MEGF11: variants seen among roughly 807,000 people sequenced by gnomAD.
The protein encoded by MEGF11 is multiple EGF like domains 11.
MEGF11 carries 126 observed loss-of-function variants against 146.6 expected under a neutral mutation model. The observed-to-expected ratio is 0.86, with a 90% CI of 0.74 to 1.00. The LOEUF (loss-of-function observed/expected upper bound fraction) is 1.00, where lower values mean the gene tolerates loss of function less well. Among genes scored for constraint, MEGF11 ranks in the 50% least tolerant of loss-of-function variants. MEGF11 has a pLI of 0.00. For synonymous variants in MEGF11, 532 were observed against 583.4 expected, an observed-to-expected ratio of 0.91 and a Z score of 1.27; for missense variants, 1,509 against 1,521.2, an observed-to-expected ratio of 0.99 and a Z score of 0.13.
intron 1 of MEGF11, among the ~76,000 whole-genome samples, chr15:66,241,626 C>A (rs1031793187): frequency 6.6e-6 from 1 of 152,086 alleles, no homozygotes; most frequent in Non-Finnish European, 1.5e-5. Context: ...GAGGAGGACA[C>A]CATAGGGACC....
At chr15:65,981,715 G>T (rs954207925) in intron 6 of MEGF11, among the ~76,000 whole-genome samples, 1 of 152,180 alleles carries the variant, frequency 6.6e-6, no homozygotes, top group Non-Finnish European at 1.5e-5. Flanking sequence ...TGGAATGAGG[G>T]GCTGTTTGGT....
chr15:66,041,767 C>T (rs186957680), intron 5 of MEGF11, among the ~76,000 whole-genome samples: 77 of 152,268 alleles, frequency 5.1e-4, no homozygotes, highest in Non-Finnish European at 1.8e-4. Flanking sequence ...CTCATTTAAG[C>T]CTTCTAACTA....
chr15:66,242,673 A>C (rs1166420601), intron 1 of MEGF11, among the ~76,000 whole-genome samples: 1 of 152,166 alleles, frequency 6.6e-6, no homozygotes, highest in Non-Finnish European at 1.5e-5. Context: ...ACAATGCTGC[A>C]CCATTCCCCT....
chr15:66,005,491 G>A (rs982584377), intron 5 of MEGF11, among the ~76,000 whole-genome samples: 1 of 152,248 alleles, frequency 6.6e-6, no homozygotes, highest in African/African-American at 2.4e-5. Context: ...CAGTAAGTAT[G>A]CAGTGGAACG....
intron 7 of MEGF11, among the ~76,000 whole-genome samples, chr15:65,975,577 G>T (rs1000221111): frequency 2.6e-5 from 4 of 152,132 alleles, no homozygotes; most frequent in African/African-American, 4.8e-5. Flanking sequence ...CTGGTCTGGT[G>T]GGAAGAGCAC....
chr15:66,169,194 T>G (rs977923935), intron 1 of MEGF11, among the ~76,000 whole-genome samples: 1 of 152,222 alleles, frequency 6.6e-6, no homozygotes, highest in East Asian at 1.9e-4. Flanking sequence ...GACCGCAGCG[T>G]CCTGCCTGAC....
intron 19 of MEGF11, among the ~76,000 whole-genome samples, chr15:65,914,344 A>G (rs1259451015): frequency 5.9e-5 from 9 of 152,218 alleles, no homozygotes; most frequent in Non-Finnish European, 1.2e-4. Flanking sequence ...AATGTGCCCA[A>G]GATTACATAA....
intron 4 of MEGF11, among the ~76,000 whole-genome samples, chr15:66,110,456 C>G (rs1222530336): frequency 6.6e-6 from 1 of 152,194 alleles, no homozygotes; most frequent in Non-Finnish European, 1.5e-5. Context: ...CAGTGGGGCT[C>G]TGTCGGGGGT....
In MEGF11 at chr15:65,897,829, A is replaced by G. The variant is rs575184020; in HGVS notation, c.*105T>C. 4.8e-6 allele frequency: 5 copies of G among 1,044,302 alleles called. No homozygotes were observed. The highest frequency in any genetic ancestry group is 1.6e-5 in the African/African-American group (1 of 61,766). The allele number at this position is 1,044,302 out of a possible 1,614,324, so 64.7% of individuals were successfully genotyped here. The stretch of plus-strand genomic sequence containing the variant: ...GTTCCAGGTGAACGTAATAACTAAC[A>G]TGCAGCTGGAGCCAGTCTGTACCAT... On this transcript the variant is annotated 3_prime_UTR_variant, in exon 26 of 26. Transcript: ENST00000395614.
At chr15:66,231,359 G>A (rs1462855624) in intron 1 of MEGF11, among the ~76,000 whole-genome samples, 1 of 151,842 alleles carries the variant, frequency 6.6e-6, no homozygotes, top group African/African-American at 2.4e-5. Flanking sequence ...TGCCCAGGGA[G>A]AGGGGACGGT....
intron 1 of MEGF11, among the ~76,000 whole-genome samples, chr15:66,155,537 A>G (rs1176158957): frequency 6.6e-6 from 1 of 152,112 alleles, no homozygotes. Context: ...TCCCAAACTT[A>G]TCATTCAGGT....
chr15:65,945,420 G>A (rs1428927168), intron 10 of MEGF11, among the ~76,000 whole-genome samples: 1 of 152,096 alleles, frequency 6.6e-6, no homozygotes, highest in Non-Finnish European at 1.5e-5. Flanking sequence ...GAGGGGAGCA[G>A]AGCTACTGAG....
At chr15:66,221,540 C>T (rs963420110) in intron 1 of MEGF11, among the ~76,000 whole-genome samples, 4 of 150,404 alleles carry the variant, frequency 2.7e-5, no homozygotes, top group African/African-American at 9.8e-5. Flanking sequence ...GACCATACCA[C>T]CCTCCCCACA....
At chr15:66,129,466 T>G (rs1244941352) in intron 1 of MEGF11, among the ~76,000 whole-genome samples, 1 of 152,228 alleles carries the variant, frequency 6.6e-6, no homozygotes, top group Non-Finnish European at 1.5e-5. Flanking sequence ...ATTTAAAAGC[T>G]TTACTGAATT....
At chr15:66,077,827 C>T (rs947125136) in intron 5 of MEGF11, among the ~76,000 whole-genome samples, 1 of 148,772 alleles carries the variant, frequency 6.7e-6, no homozygotes, top group African/African-American at 2.5e-5. Context: ...TGGGCTTTGA[C>T]AGCAAAAGAG....
In MEGF11 at chr15:66,099,208, T is replaced by TTC. The variant is rs1256578554; in HGVS notation, c.302-4715_302-4714insGA. On this transcript the variant is annotated intron_variant, in intron 4 of 25. Transcript: ENST00000395614. Reference sequence around the variant, plus strand: ...TCCCTCCCACCCCTCCTTTTTCTTTTTTTTTTTTTTTTTTGATATGGAGTC... The same window carrying TTC: ...TCCCTCCCACCCCTCCTTTTTCTTTTTCTTTTTTTTTTTTTTGATATGGAGTC... Among the ~76,000 whole-genome samples the TTC allele has an allele frequency of 4.6e-3, 668 of 144,538 alleles. 8 individuals are homozygous for TTC. The highest frequency in any genetic ancestry group is 0.016 in the African/African-American group (634 of 38,796). The allele number at this position is 144,538 out of a possible 152,430, so 94.8% of individuals were successfully genotyped here.
intron 1 of MEGF11, among the ~76,000 whole-genome samples, chr15:66,246,781 A>G (rs1012244672): frequency 6.6e-6 from 1 of 152,202 alleles, no homozygotes; most frequent in Non-Finnish European, 1.5e-5. Context: ...ACTGCACTCC[A>G]GCCTGGGCAA....
intron 22 of MEGF11, 103 bp from the exon 23 acceptor site, chr15:65,909,238 A>G: frequency 1.2e-6 from 1 of 821,226 alleles, no homozygotes. Context: ...AGGGTGAGGC[A>G]GGCTGGGAGG....
At chr15:66,112,014 A>C (rs1187324168) in intron 4 of MEGF11, among the ~76,000 whole-genome samples, 4 of 151,920 alleles carry the variant, frequency 2.6e-5, no homozygotes, top group Non-Finnish European at 4.4e-5. Context: ...AAAATGTAAA[A>C]CTAATGTGTA....
Sources: gnomAD v4.1 joint callset for allele counts (sites outside exome capture counted in the v4.1 genomes callset) on GRCh38, gnomAD v4.1.1 for gene constraint, MANE v1.5 for transcripts, NCBI Gene and HGNC (gene_info 2026-07-23, HGNC 2026-07-21) for gene names.